The following CATSPERB variants were observed in gnomAD, a reference collection of about 807,000 sequenced individuals.
CATSPERB encodes the protein cation channel sperm-associated auxiliary subunit beta.
CATSPERB carries 93 observed loss-of-function variants against 128.3 expected under a neutral mutation model. That is an observed-to-expected ratio of 0.72 (90% CI 0.61 to 0.86). CATSPERB has a LOEUF of 0.86. CATSPERB is among the 40% of genes least tolerant of loss of function. The pLI is 0.00. For missense variants in CATSPERB, 1,153 were observed against 1,329.5 expected, an observed-to-expected ratio of 0.87 and a Z score of 2.06; for synonymous variants, 381 against 448.8, an observed-to-expected ratio of 0.85 and a Z score of 1.91.
At chr14:91,639,002 G>A (rs1894434790) in intron 16 of CATSPERB, 94 bp downstream of exon 16, 1 of 1,160,706 alleles carries the variant, frequency 8.6e-7, no homozygotes, top group Non-Finnish European at 1.2e-6. Flanking sequence ...TTGTCCCAAG[G>A]AAAATACTTT....
intron 19 of CATSPERB, among the ~76,000 whole-genome samples, chr14:91,620,407 A>G (rs1200735100): frequency 6.6e-6 from 1 of 152,000 alleles, no homozygotes; most frequent in African/African-American, 2.4e-5. Flanking sequence ...GGAGTCATAC[A>G]TTAGCTAATT....
intron 15 of CATSPERB, among the ~76,000 whole-genome samples, chr14:91,652,707 A>G (rs1457206931): frequency 7.5e-6 from 1 of 133,896 alleles, no homozygotes; most frequent in Non-Finnish European, 1.6e-5. Flanking sequence ...AAAAAAAAAG[A>G]AATGCAGCAA....
chr14:91,631,014 A>G (rs1342653062), intron 17 of CATSPERB, among the ~76,000 whole-genome samples: 1 of 152,168 alleles, frequency 6.6e-6, no homozygotes, highest in East Asian at 1.9e-4. Context: ...TTAGCCTGGA[A>G]AGCTCTTTCA....
At chr14:91,691,946 C>T (rs11848766) in intron 9 of CATSPERB, among the ~76,000 whole-genome samples, 3 of 152,020 alleles carry the variant, frequency 2.0e-5, no homozygotes, top group African/African-American at 4.8e-5. Context: ...TGGGAGGCCG[C>T]GATAGGCGGA....
intron 22 of CATSPERB, 118 bp from the exon 23 acceptor site, chr14:91,592,120 AG>A: frequency 1.4e-6 from 1 of 710,666 alleles, no homozygotes; most frequent in East Asian, 2.6e-5. Flanking sequence ...AGAAGTTAAA[AG>A]GGGAAAGCAA....
intron 11 of CATSPERB, among the ~76,000 whole-genome samples, chr14:91,677,159 A>G (rs543759028): frequency 6.6e-6 from 1 of 152,354 alleles, no homozygotes; most frequent in East Asian, 1.9e-4. Context: ...GGACATAGGC[A>G]TGGGCAAAGA....
At chr14:91,654,564 A>G (rs1484162631) in intron 15 of CATSPERB, among the ~76,000 whole-genome samples, 1 of 152,192 alleles carries the variant, frequency 6.6e-6, no homozygotes, top group Non-Finnish European at 1.5e-5. Flanking sequence ...TTTGTCTTGC[A>G]GCTTGGGTGC....
chr14:91,589,541 C>T lies in CATSPERB; in HGVS notation c.2949G>A (p.Trp983Ter). ...GATGAAAGCAAACCCTACTCAGTTT[C>T]CAGTTGTGCCTCATGTTCACTTCAG... ...TVTEVNMRHN[W>*]KLKHTVPENI... The change falls in exon 24 of 27, where the codon TGG becomes TGA. Residue 983 changes from tryptophan to a stop codon, truncating the protein, a stop_gained. Transcript: ENST00000256343. LOFTEE classifies it high-confidence loss of function. The T allele has an allele frequency of 1.2e-6, 2 of 1,612,222 alleles. No individual in the cohort carries two copies. Among genetic ancestry groups the T allele is most frequent in the Non-Finnish European group, 1.7e-6 (2 of 1,178,948 alleles).
At chr14:91,683,660 G>A (rs1895324805) in intron 11 of CATSPERB, among the ~76,000 whole-genome samples, 1 of 152,098 alleles carries the variant, frequency 6.6e-6, no homozygotes, top group African/African-American at 2.4e-5. Context: ...TATGTTCCAG[G>A]TGGAGCATGA....
intron 15 of CATSPERB, among the ~76,000 whole-genome samples, chr14:91,654,467 G>T (rs1412463177): frequency 1.3e-5 from 2 of 152,236 alleles, no homozygotes; most frequent in South Asian, 2.1e-4. Context: ...CGGTAGCCAG[G>T]GGGTAATTGC....
chr14:91,658,704 ATTTTT>A (rs1216017767), intron 15 of CATSPERB, among the ~76,000 whole-genome samples: 2 of 142,700 alleles, frequency 1.4e-5, no homozygotes, highest in Non-Finnish European at 1.5e-5. Context: ...AGAATAAAAT[ATTTTT>A]AAAAAAAGGA....
In CATSPERB at chr14:91,725,104, C is replaced by A; in HGVS notation, c.144G>T (p.Lys48Asn). The A allele has an allele frequency of 6.3e-7, 1 of 1,585,482 alleles. No homozygotes were observed. Among genetic ancestry groups the A allele is most frequent in the Non-Finnish European group, 8.6e-7 (1 of 1,166,284 alleles). ...CCAAGTTTTCTAAGAAAAGATACAA[C>A]TTGATTATTTCATTCTCTTGAGGGA... Reference protein sequence around the residue: ...KGFPQENEIIKLYLFLENLKI... With the variant: ...KGFPQENEIINLYLFLENLKI... The change falls in exon 3 of 27, where the codon AAG (lysine) becomes AAT (asparagine). Residue 48 changes from lysine to asparagine, a missense_variant. Lys to Asn is a moderately conservative substitution (Grantham distance 94). Transcript: ENST00000256343.
intron 20 of CATSPERB, among the ~76,000 whole-genome samples, chr14:91,613,603 G>A (rs1414152404): frequency 6.6e-6 from 1 of 152,176 alleles, no homozygotes. Context: ...GCTGCCCACT[G>A]ATTGCAGGCA....
At chr14:91,689,921 G>T (rs1307610549) in intron 10 of CATSPERB, among the ~76,000 whole-genome samples, 1 of 152,066 alleles carries the variant, frequency 6.6e-6, no homozygotes, top group Non-Finnish European at 1.5e-5. Flanking sequence ...ATTTCTCCTT[G>T]TTATATTGTC....
intron 10 of CATSPERB, among the ~76,000 whole-genome samples, chr14:91,686,890 G>T (rs1207749243): frequency 6.6e-6 from 1 of 151,784 alleles, no homozygotes; most frequent in African/African-American, 2.4e-5. Flanking sequence ...AATAAACTCT[G>T]GCTAGTTCAT....
chr14:91,613,158 TG>T (rs1373103559), intron 20 of CATSPERB, among the ~76,000 whole-genome samples: 2 of 152,146 alleles, frequency 1.3e-5, no homozygotes, highest in African/African-American at 4.8e-5. Context: ...AGATGTATAT[TG>T]AAGTATGTGG....
At chr14:91,591,806 A>T in intron 23 of CATSPERB, 86 bp downstream of exon 23, 1 of 862,672 alleles carries the variant, frequency 1.2e-6, no homozygotes, top group Non-Finnish European at 2.0e-6. Flanking sequence ...TCTATGTCTT[A>T]GTTTTCATGT....
At chr14:91,677,994 G>A (rs1281441779) in intron 11 of CATSPERB, among the ~76,000 whole-genome samples, 7 of 152,088 alleles carry the variant, frequency 4.6e-5, no homozygotes, top group South Asian at 2.1e-4. Flanking sequence ...ACCAAACACC[G>A]CATGTTCTTA....
intron 13 of CATSPERB, among the ~76,000 whole-genome samples, chr14:91,670,294 C>G (rs1430028215): frequency 1.3e-5 from 2 of 152,174 alleles, no homozygotes; most frequent in Non-Finnish European, 2.9e-5. Context: ...ACTATCATGC[C>G]AAAAGTGTGG....
Sources: allele counts gnomAD v4.1 joint callset (sites outside exome capture counted in the v4.1 genomes callset), GRCh38; gene constraint gnomAD v4.1.1; transcripts MANE v1.5; gene names NCBI Gene and HGNC (gene_info 2026-07-23, HGNC 2026-07-21).